The following FSTL5 variants were observed in gnomAD, a reference collection of about 807,000 sequenced individuals.
FSTL5 encodes the protein follistatin like 5, also known as follistatin-related protein 5.
FSTL5 carries 62 observed loss-of-function variants against 89.1 expected under a neutral mutation model. The observed-to-expected ratio is 0.70, with a 90% CI of 0.57 to 0.86. The LOEUF is 0.86. Among genes scored for constraint, FSTL5 ranks in the 40% least tolerant of loss-of-function variants. The pLI is 0.00. For synonymous variants in FSTL5, 383 were observed against 346.2 expected, an observed-to-expected ratio of 1.11 and a Z score of -1.18; for missense variants, 1,057 against 1,001.6, an observed-to-expected ratio of 1.06 and a Z score of -0.75.
chr4:161,565,297 A>G (rs1044725242), intron 8 of FSTL5, among the ~76,000 whole-genome samples: 19 of 151,892 alleles, frequency 1.3e-4, no homozygotes, highest in Non-Finnish European at 1.3e-4. Flanking sequence ...GATTAATATG[A>G]AATGTTTGAC....
chr4:161,572,943 G>A (rs1266667580), intron 8 of FSTL5, among the ~76,000 whole-genome samples: 3 of 152,150 alleles, frequency 2.0e-5, no homozygotes, highest in Non-Finnish European at 2.9e-5. Context: ...AAAGTGATAC[G>A]GTGGCTTGAT....
At chr4:161,622,750 A>G (rs76663956) in intron 7 of FSTL5, among the ~76,000 whole-genome samples, 7,512 of 152,170 alleles carry the variant, frequency 0.049, 598 homozygotes, top group African/African-American at 0.17. Context: ...TAAAAACAGA[A>G]AGCTGGCAAA....
chr4:162,114,179 T>TC, intron 1 of FSTL5, among the ~76,000 whole-genome samples: 1 of 152,056 alleles, frequency 6.6e-6, no homozygotes, highest in Middle Eastern at 3.4e-3. Context: ...TTGCAACCCA[T>TC]CCCCCTTTTT....
At chr4:162,094,180 AGATTGAG>A (rs1730659424) in intron 2 of FSTL5, among the ~76,000 whole-genome samples, 10 of 152,134 alleles carry the variant, frequency 6.6e-5, no homozygotes, top group Admixed American at 1.3e-4. Context: ...CAAAGTCAAG[AGATTGAG>A]ACCATCCTGG....
intron 6 of FSTL5, among the ~76,000 whole-genome samples, chr4:161,679,966 A>G (rs1737460397): frequency 6.6e-6 from 1 of 151,856 alleles, no homozygotes. Flanking sequence ...TGAGTTTTAT[A>G]TTCCAAAAAG....
chr4:162,093,731 C>A (rs895740226), intron 2 of FSTL5, among the ~76,000 whole-genome samples: 1 of 152,080 alleles, frequency 6.6e-6, no homozygotes, highest in Non-Finnish European at 1.5e-5. Context: ...AAAGTTTTAA[C>A]CACAAACTTC....
intron 8 of FSTL5, among the ~76,000 whole-genome samples, chr4:161,569,069 T>G (rs2126582734): frequency 6.6e-6 from 1 of 152,260 alleles, no homozygotes; most frequent in African/African-American, 2.4e-5. Context: ...TGTATTATAT[T>G]TCATTACACC....
chr4:161,689,542 T>A (rs1019286470), intron 6 of FSTL5, among the ~76,000 whole-genome samples: 1 of 152,172 alleles, frequency 6.6e-6, no homozygotes, highest in African/African-American at 2.4e-5. Flanking sequence ...TCATACATTC[T>A]GTTTTGCCTT....
intron 6 of FSTL5, among the ~76,000 whole-genome samples, chr4:161,720,346 T>A (rs1475798798): frequency 6.7e-6 from 1 of 150,014 alleles, no homozygotes; most frequent in Non-Finnish European, 1.5e-5. Context: ...GATAGCATTA[T>A]TTTTTTTAAA....
At chr4:161,886,260 T>C (rs1387207181) in intron 4 of FSTL5, among the ~76,000 whole-genome samples, 2 of 152,184 alleles carry the variant, frequency 1.3e-5, no homozygotes, top group African/African-American at 4.8e-5. Context: ...AGTGAAGCCC[T>C]TCTCAAAGTG....
chr4:161,497,740 C>A (rs1248136679), intron 12 of FSTL5, among the ~76,000 whole-genome samples: 1 of 151,650 alleles, frequency 6.6e-6, no homozygotes, highest in East Asian at 1.9e-4. Context: ...TGTAGATTTC[C>A]AGGGGCTGTG....
chr4:161,989,611 A>G (rs1490399543), intron 3 of FSTL5, among the ~76,000 whole-genome samples: 1 of 152,140 alleles, frequency 6.6e-6, no homozygotes, highest in Non-Finnish European at 1.5e-5. Context: ...TGTATTAGGT[A>G]GAGTGAAAGA....
Position 161,542,691 on chromosome 4 carries a change from G to T in FSTL5, c.1018C>A (p.Pro340Thr). 7.0e-7 allele frequency: 1 copy of T among 1,436,716 alleles called. No homozygotes were observed. The highest frequency in any genetic ancestry group is 9.2e-7 in the Non-Finnish European group (1 of 1,089,390). 89.0% of individuals were successfully genotyped at this position (1,436,716 alleles called of 1,614,324 possible). The change falls in exon 9 of 16, where the codon CCT becomes ACT. Residue 340 changes from proline to threonine, a missense_variant and splice_region_variant. Transcript: ENST00000306100. ...TCTGGATACACCCGGATGACTGGAG[G>T]AACTAAAGGAAAAAATGAAAGAGAA... ...YQTHIFQVNV[P>T]PVIRVYPESQ...
At chr4:161,861,024 A>G (rs1310876197) in intron 4 of FSTL5, among the ~76,000 whole-genome samples, 1 of 152,186 alleles carries the variant, frequency 6.6e-6, no homozygotes, top group Non-Finnish European at 1.5e-5. Context: ...ACATGTTAAA[A>G]CATAATTTAC....
intron 7 of FSTL5, among the ~76,000 whole-genome samples, chr4:161,611,711 A>T (rs1290539720): frequency 6.6e-6 from 1 of 152,218 alleles, no homozygotes; most frequent in Admixed American, 6.5e-5. Flanking sequence ...TAGGAAAAAA[A>T]TAGGGTAGGA....
chr4:162,081,201 C>A (rs147738188), intron 2 of FSTL5, among the ~76,000 whole-genome samples: 1 of 151,494 alleles, frequency 6.6e-6, no homozygotes, highest in Non-Finnish European at 1.5e-5. Context: ...GGGATTTATA[C>A]AAAATCAGAG....
At chr4:161,483,774 A>G (rs1729594178) in intron 12 of FSTL5, among the ~76,000 whole-genome samples, 1 of 152,180 alleles carries the variant, frequency 6.6e-6, no homozygotes, top group South Asian at 2.1e-4. Flanking sequence ...CCAGAGATGA[A>G]AAATAAGATT....
chr4:161,969,531 C>A (rs1735422864), intron 3 of FSTL5, among the ~76,000 whole-genome samples: 1 of 152,018 alleles, frequency 6.6e-6, no homozygotes, highest in Admixed American at 6.6e-5. Context: ...ATCAAGTTAT[C>A]ACATTTCCAC....
intron 4 of FSTL5, among the ~76,000 whole-genome samples, chr4:161,871,265 T>G (rs928173314): frequency 2.0e-5 from 3 of 152,102 alleles, no homozygotes; most frequent in Admixed American, 6.5e-5. Flanking sequence ...ACATAGATAT[T>G]AGCCAATCAG....
Sources: allele counts gnomAD v4.1 joint callset (sites outside exome capture counted in the v4.1 genomes callset), GRCh38; gene constraint gnomAD v4.1.1; transcripts MANE v1.5; gene names NCBI Gene and HGNC (gene_info 2026-07-23, HGNC 2026-07-21).